The following HPSE2 variants were observed in gnomAD, a reference collection of about 807,000 sequenced individuals.
The protein encoded by HPSE2 is heparanase 2 (inactive).
In HPSE2, 38 loss-of-function variants were observed where a neutral mutation model predicts 60.5. The observed-to-expected ratio is 0.63, with a 90% CI of 0.48 to 0.82. The LOEUF (loss-of-function observed/expected upper bound fraction) is 0.82, where lower values mean the gene tolerates loss of function less well. HPSE2 is among the 40% of genes least tolerant of loss of function. The pLI, the probability that HPSE2 is intolerant of heterozygous loss-of-function variation, is 0.00. For synonymous variants in HPSE2, 295 were observed against 293.2 expected (o/e 1.01, Z -0.06); for missense variants, 713 against 740.4 (o/e 0.96, Z 0.43).
the HPSE2 span, among the ~76,000 whole-genome samples, chr10:99,305,955 A>G: frequency 7.3e-5 from 2 of 27,528 alleles, no homozygotes; most frequent in African/African-American, 4.7e-4. Flanking sequence ...ATCCAAACTC[A>G]CACACACGCG....
chr10:98,638,064 T>C lies in HPSE2; in HGVS notation c.1098+3783A>G, dbSNP rs977798373. ...CTGAGGTGGAAGGATTGCTTGAGCC[T>C]GGGAGGCTGAGGTTCAGTGAGCTGA... On this transcript the variant is annotated intron_variant, in intron 7 of 11. Coordinates refer to ENST00000370552, the MANE Select transcript of HPSE2 (RefSeq NM_021828.5). Among the ~76,000 whole-genome samples, 9 of 127,526 alleles carry C rather than the reference T, an allele frequency of 7.1e-5. No individual in the cohort carries two copies. In the South Asian group the frequency reaches 1.6e-3, roughly 22 times the overall value. The allele number at this position is 127,526 out of a possible 152,430, so 83.7% of individuals were successfully genotyped here.
the HPSE2 span, among the ~76,000 whole-genome samples, chr10:99,305,973 G>GCA: frequency 0.014 from 613 of 44,024 alleles, 11 homozygotes; most frequent in African/African-American, 0.048. Flanking sequence ...GCGCGCGCGC[G>GCA]CGCGCGCACA....
chr10:99,164,113 A>G (rs1444421511), intron 2 of HPSE2, among the ~76,000 whole-genome samples: 1 of 150,886 alleles, frequency 6.6e-6, no homozygotes, highest in Non-Finnish European at 1.5e-5. Context: ...ACCTACACCA[A>G]TAATTACTCT....
intron 9 of HPSE2, among the ~76,000 whole-genome samples, chr10:98,530,792 C>T (rs558830659): frequency 3.5e-4 from 54 of 152,202 alleles, no homozygotes; most frequent in African/African-American, 1.3e-3. Flanking sequence ...CCCGCATTTT[C>T]ATCCCTTCCC....
chr10:98,591,776 C>T (rs747928595), intron 9 of HPSE2, among the ~76,000 whole-genome samples: 11 of 152,158 alleles, frequency 7.2e-5, no homozygotes, highest in South Asian at 2.1e-4. Flanking sequence ...CTTTGCATTT[C>T]CTTGGCATTA....
intron 3 of HPSE2, among the ~76,000 whole-genome samples, chr10:99,035,043 T>C (rs1393653196): frequency 1.3e-5 from 2 of 152,214 alleles, no homozygotes; most frequent in Non-Finnish European, 2.9e-5. Context: ...TACACTACTG[T>C]AGAGTTTATA....
intron 9 of HPSE2, among the ~76,000 whole-genome samples, chr10:98,567,922 A>G (rs978962499): frequency 3.3e-5 from 5 of 152,180 alleles, no homozygotes; most frequent in African/African-American, 1.2e-4. Flanking sequence ...CAGGATCCCC[A>G]GTACTGTGGC....
chr10:98,885,905 A>G (rs1017160685), intron 3 of HPSE2, among the ~76,000 whole-genome samples: 1 of 152,102 alleles, frequency 6.6e-6, no homozygotes, highest in African/African-American at 2.4e-5. Context: ...CTCTGTTACT[A>G]TGGTGAAATC....
At chr10:98,555,458 T>C (rs533646409) in intron 9 of HPSE2, among the ~76,000 whole-genome samples, 1 of 152,334 alleles carries the variant, frequency 6.6e-6, no homozygotes, top group African/African-American at 2.4e-5. Flanking sequence ...TCCTGTGGAC[T>C]TGTCTAACTA....
In HPSE2 at chr10:98,459,325, A is replaced by G. The variant is rs942366472; in HGVS notation, c.*249T>C. 8 of 550,116 alleles carry G rather than the reference A, an allele frequency of 1.5e-5. No individual in the cohort carries two copies. The highest frequency in any genetic ancestry group is 1.3e-4 in the African/African-American group (7 of 52,912). The allele number at this position is 550,116 out of a possible 1,614,324, so 34.1% of individuals were successfully genotyped here. A position where few individuals can be genotyped will look rare whatever the true frequency, so the allele number is the denominator to read the frequency against. On this transcript the variant is annotated 3_prime_UTR_variant, in exon 12 of 12. Transcript: ENST00000370552. ...CACATGAAGGGAAACATTCTGCTCT[A>G]TACACATGCCTTTATCCTTATATAG...
intron 9 of HPSE2, among the ~76,000 whole-genome samples, chr10:98,557,137 C>T (rs986228650): frequency 6.6e-6 from 1 of 151,926 alleles, no homozygotes; most frequent in Admixed American, 6.6e-5. Context: ...GGCATGAACC[C>T]GGGAGGTGGA....
intron 2 of HPSE2, among the ~76,000 whole-genome samples, chr10:99,180,833 T>G (rs1416613919): frequency 7.9e-6 from 1 of 127,384 alleles, no homozygotes; most frequent in East Asian, 2.3e-4. Context: ...GAAGTTGCAG[T>G]GAGCCAAGAC....
intron 6 of HPSE2, among the ~76,000 whole-genome samples, chr10:98,644,000 C>T (rs1946703125): frequency 6.6e-6 from 1 of 152,074 alleles, no homozygotes; most frequent in Non-Finnish European, 1.5e-5. Context: ...AGTTTAATAC[C>T]TATTGAGATA....
chr10:98,846,526 G>T (rs1423632864), intron 3 of HPSE2, among the ~76,000 whole-genome samples: 1 of 152,096 alleles, frequency 6.6e-6, no homozygotes, highest in South Asian at 2.1e-4. Context: ...CCAGGAGTAC[G>T]GTAGCATCTG....
chr10:98,794,992 G>A (rs1053952895), intron 3 of HPSE2, among the ~76,000 whole-genome samples: 16 of 145,528 alleles, frequency 1.1e-4, no homozygotes, highest in South Asian at 9.5e-4. Flanking sequence ...GAGGGAAAGG[G>A]AGGGGAGGGA....
intron 3 of HPSE2, among the ~76,000 whole-genome samples, chr10:99,100,313 A>T (rs993425835): frequency 5.3e-5 from 8 of 152,210 alleles, no homozygotes; most frequent in Non-Finnish European, 1.0e-4. Context: ...TGATGGAGCT[A>T]AAAACCATGG....
intron 2 of HPSE2, among the ~76,000 whole-genome samples, chr10:99,182,584 G>T (rs1229900893): frequency 6.6e-6 from 1 of 152,164 alleles, no homozygotes; most frequent in Admixed American, 6.5e-5. Context: ...ACCCTGAAAG[G>T]CAGTCCAGGA....
chr10:99,083,696 C>G (rs1320564535), intron 3 of HPSE2, among the ~76,000 whole-genome samples: 1 of 152,150 alleles, frequency 6.6e-6, no homozygotes, highest in East Asian at 1.9e-4. Context: ...TTAAATAGAC[C>G]AAGTTCTCTA....
At chr10:99,044,719 T>C (rs1957816715) in intron 3 of HPSE2, among the ~76,000 whole-genome samples, 1 of 152,134 alleles carries the variant, frequency 6.6e-6, no homozygotes, top group Admixed American at 6.5e-5. Flanking sequence ...TTGTTATTCT[T>C]ATATCAGATA....
Sources: allele counts gnomAD v4.1 joint callset (sites outside exome capture counted in the v4.1 genomes callset), GRCh38; gene constraint gnomAD v4.1.1; transcripts MANE v1.5; gene names NCBI Gene and HGNC (gene_info 2026-07-23, HGNC 2026-07-21).